The following LHCGR variants were observed in gnomAD, a reference collection of about 807,000 sequenced individuals.
LHCGR encodes luteinizing hormone/choriogonadotropin receptor, also known as lutropin-choriogonadotropic hormone receptor.
Under a neutral mutation model 60.7 loss-of-function variants are expected in LHCGR, and 55 were observed. The observed-to-expected ratio is 0.91, with a 90% CI of 0.73 to 1.13. LHCGR has a LOEUF of 1.13. LHCGR is among the 50% of genes most tolerant of loss of function. The probability of loss-of-function intolerance (pLI) is 0.00; values close to 1 mark genes in which losing one functional copy is unlikely to be tolerated. For synonymous variants in LHCGR, 337 were observed against 316.5 expected, an observed-to-expected ratio of 1.06 and a Z score of -0.69; for missense variants, 862 against 836.0, an observed-to-expected ratio of 1.03 and a Z score of -0.38.
At chr2:48,697,158 A>G (rs2104388075) in intron 9 of LHCGR, among the ~76,000 whole-genome samples, 1 of 152,182 alleles carries the variant, frequency 6.6e-6, no homozygotes, top group East Asian at 1.9e-4. Flanking sequence ...AGTTTCATCT[A>G]CTGTCTCTTG....
In LHCGR at chr2:48,729,152, C is replaced by T; in HGVS notation, c.308+1G>A. 3 of 1,606,846 alleles carry T rather than the reference C, an allele frequency of 1.9e-6. No individual in the cohort carries two copies. Among genetic ancestry groups the T allele is most frequent in the Non-Finnish European group, 2.6e-6 (3 of 1,173,980 alleles). ...TAAACTGTCTGTTAGCTGATGCTTA[C>T]ATTTCAGACAAATTGAGGAGGTTGT... On this transcript the variant is annotated splice_donor_variant, in intron 3 of 10. Coordinates refer to ENST00000294954, the MANE Select transcript of LHCGR (RefSeq NM_000233.4). LOFTEE classifies it high-confidence loss of function.
chr2:48,739,753 G>T (rs1418656349), intron 1 of LHCGR, among the ~76,000 whole-genome samples: 2 of 152,036 alleles, frequency 1.3e-5, no homozygotes, highest in Non-Finnish European at 2.9e-5. Context: ...CATGGCACAT[G>T]TATACATATG....
Position 48,687,442 on chromosome 2 carries a change from T to A in LHCGR, c.*255A>T. The A allele has an allele frequency of 2.5e-6, 1 of 402,806 alleles. No homozygotes were observed. The highest frequency in any genetic ancestry group is 5.2e-5 in the South Asian group (1 of 19,216). 25.0% of individuals were successfully genotyped at this position (402,806 alleles called of 1,614,324 possible). The stretch of plus-strand genomic sequence containing the variant: ...TTTTTAAAAGATTCATCAAACAAAA[T>A]TACTGTGTCAAAATTTCTATAAAAA... On this transcript the variant is annotated 3_prime_UTR_variant, in exon 11 of 11. Transcript: ENST00000294954.
At chr2:48,725,524 A>G in intron 4 of LHCGR, 152 bp downstream of exon 4, 1 of 666,262 alleles carries the variant, frequency 1.5e-6, no homozygotes, top group Non-Finnish European at 2.7e-6. Context: ...ACAAGAAATG[A>G]CAATTAAATT....
chr2:48,742,788 A>G (rs1410667028), intron 1 of LHCGR, among the ~76,000 whole-genome samples: 1 of 152,044 alleles, frequency 6.6e-6, no homozygotes, highest in Non-Finnish European at 1.5e-5. Context: ...AAGAACTAGA[A>G]AAGCAAGAGC....
chr2:48,693,448 G>A (rs765602356), intron 10 of LHCGR, among the ~76,000 whole-genome samples: 8 of 152,094 alleles, frequency 5.3e-5, no homozygotes, highest in Non-Finnish European at 8.8e-5. Context: ...TCATTCCACC[G>A]TACCAACCTG....
chr2:48,718,800 C>G (rs990466299), intron 6 of LHCGR, among the ~76,000 whole-genome samples: 1 of 152,120 alleles, frequency 6.6e-6, no homozygotes. Context: ...GACCTGGTTA[C>G]TACTATGTGC....
intron 6 of LHCGR, among the ~76,000 whole-genome samples, chr2:48,718,803 C>T (rs946925855): frequency 6.6e-6 from 1 of 152,140 alleles, no homozygotes; most frequent in Non-Finnish European, 1.5e-5. Flanking sequence ...CTGGTTACTA[C>T]TATGTGCTGC....
At chr2:48,710,838 G>A (rs1361246222) in intron 7 of LHCGR, among the ~76,000 whole-genome samples, 1 of 152,170 alleles carries the variant, frequency 6.6e-6, no homozygotes, top group Non-Finnish European at 1.5e-5. Flanking sequence ...CTATTTATGA[G>A]GAAGGGTTGA....
chr2:48,698,991 G>A (rs545831871), intron 8 of LHCGR, among the ~76,000 whole-genome samples, 191 bp from the exon 9 acceptor site: 20 of 152,080 alleles, frequency 1.3e-4, no homozygotes, highest in South Asian at 4.2e-4. Flanking sequence ...ACAGGCGCCC[G>A]CTACCACGCC....
Position 48,687,591 on chromosome 2 carries a change from AT to A in LHCGR, c.*105del. 1 of 960,970 alleles carries A rather than the reference AT, an allele frequency of 1.0e-6. No homozygotes were observed. The highest frequency in any genetic ancestry group is 1.6e-5 in the African/African-American group (1 of 61,358). 59.5% of individuals were successfully genotyped at this position (960,970 alleles called of 1,614,324 possible). On this transcript the variant is annotated 3_prime_UTR_variant, in exon 11 of 11. Transcript: ENST00000294954. Reference sequence around the variant, plus strand: ...GGTCTCTTGCCTAATGTACCTAAAAATAAATAATTTCCTAAATCCAACCCTT... The same window carrying A: ...GGTCTCTTGCCTAATGTACCTAAAAAAAATAATTTCCTAAATCCAACCCTT...
At chr2:48,723,055 T>C (rs1295488852) in intron 6 of LHCGR, among the ~76,000 whole-genome samples, 2 of 152,214 alleles carry the variant, frequency 1.3e-5, no homozygotes, top group Non-Finnish European at 2.9e-5. Context: ...GATCAACTAC[T>C]TTTCCTACTT....
rs566496803 is a variant in LHCGR, at chr2:48,690,945, C to G, written c.948-2096G>C. ...ATACATGTTTGTAGAGTGAATAATT[C>G]TAAACCAGGATGATTCTAGCTCTGA... On this transcript the variant is annotated intron_variant, in intron 10 of 10. Coordinates refer to ENST00000294954, the MANE Select transcript of LHCGR (RefSeq NM_000233.4). Among the ~76,000 whole-genome samples, 7 of 152,284 alleles carry G rather than the reference C, an allele frequency of 4.6e-5. No homozygotes were observed. In the East Asian group the frequency reaches 1.4e-3, roughly 29 times the overall value.
intron 9 of LHCGR, among the ~76,000 whole-genome samples, chr2:48,698,160 C>T (rs567661735): frequency 5.3e-5 from 8 of 152,236 alleles, no homozygotes; most frequent in Admixed American, 1.3e-4. Flanking sequence ...AGAAGATGCT[C>T]GTCTACTAGG....
Position 48,723,393 on chromosome 2 carries a change from C to A in LHCGR, c.536+63G>T, listed in dbSNP as rs190521088. Reference sequence around the variant, plus strand: ...GTAAAACATGAGAAAAAGCTCACCCCAACCTAGTAGTGAGACTAGCAGGAG... The same window carrying A: ...GTAAAACATGAGAAAAAGCTCACCCAAACCTAGTAGTGAGACTAGCAGGAG... On this transcript the variant is annotated intron_variant, in intron 6 of 10. Transcript: ENST00000294954. The A allele has an allele frequency of 1.0e-5, 12 of 1,163,412 alleles. No individual in the cohort carries two copies. In the East Asian group the frequency reaches 2.3e-4, roughly 23 times the overall value. 72.1% of individuals were successfully genotyped at this position (1,163,412 alleles called of 1,614,324 possible). A position where few individuals can be genotyped will look rare whatever the true frequency, so the allele number is the denominator to read the frequency against.
chr2:48,748,569 C>T (rs1331572997), intron 1 of LHCGR, among the ~76,000 whole-genome samples: 1 of 152,186 alleles, frequency 6.6e-6, no homozygotes, highest in African/African-American at 2.4e-5. Flanking sequence ...GTCATTTTCT[C>T]TAATTAACAC....
chr2:48,728,216 A>T (rs759986432), intron 3 of LHCGR, among the ~76,000 whole-genome samples: 29 of 152,082 alleles, frequency 1.9e-4, no homozygotes, highest in Admixed American at 6.6e-5. Context: ...CTGAAGTGTC[A>T]CATCGGTCAA....
chr2:48,687,911 G>A lies in LHCGR; in HGVS notation c.1886C>T (p.Thr629Ile). 1 of 1,614,062 alleles carries A rather than the reference G, an allele frequency of 6.2e-7. No individual in the cohort carries two copies. The highest frequency in any genetic ancestry group is 8.5e-7 in the Non-Finnish European group (1 of 1,179,954). The change falls in exon 11 of 11, where the codon ACA (threonine) becomes ATA (isoleucine). Residue 629 changes from threonine (T) to isoleucine (I), a missense_variant. By Grantham distance (89) the Thr-to-Ile change is moderately conservative. Coordinates refer to ENST00000294954, the MANE Select transcript of LHCGR (RefSeq NM_000233.4). Reference protein sequence around the residue: ...NPFLYAIFTKTFQRDFFLLLS... With the variant: ...NPFLYAIFTKIFQRDFFLLLS... ...CAAAAGAAAGAAATCTCTTTGGAAT[G>A]TCTTAGTGAATATTGCATACAGAAA... is the stretch of plus-strand genomic sequence containing the variant.
intron 8 of LHCGR, among the ~76,000 whole-genome samples, chr2:48,703,693 C>T (rs886529542): frequency 6.6e-6 from 1 of 152,076 alleles, no homozygotes; most frequent in Non-Finnish European, 1.5e-5. Context: ...CCGTTAATTT[C>T]TTATTGGTGA....
Sources: gnomAD v4.1 joint callset for allele counts (sites outside exome capture counted in the v4.1 genomes callset) on GRCh38, gnomAD v4.1.1 for gene constraint, MANE v1.5 for transcripts, NCBI Gene and HGNC (gene_info 2026-07-23, HGNC 2026-07-21) for gene names.